The following TMEM8B variants were observed in gnomAD, a reference collection of about 807,000 sequenced individuals.
TMEM8B encodes the protein transmembrane protein 8B.
In TMEM8B, 29 loss-of-function variants were observed where a neutral mutation model predicts 49.3. The observed-to-expected ratio is 0.59, with a 90% confidence interval of 0.44 to 0.80. The LOEUF (loss-of-function observed/expected upper bound fraction) is 0.80, where lower values mean the gene tolerates loss of function less well. Among genes scored for constraint, TMEM8B ranks in the 30% least tolerant of loss-of-function variants. The pLI, the probability that TMEM8B is intolerant of heterozygous loss-of-function variation, is 0.00. For synonymous variants in TMEM8B, 264 were observed against 272.8 expected (o/e 0.97, Z 0.32); for missense variants, 575 against 658.5 (o/e 0.87, Z 1.39).
In TMEM8B at chr9:35,841,066, C is replaced by T. The variant is rs1830938414; in HGVS notation, c.907-68C>T. On this transcript the variant is annotated intron_variant, in intron 3 of 12. Coordinates refer to ENST00000643932, the MANE Select transcript of TMEM8B (RefSeq NM_001042590.4). The surrounding 1 kb of genome is among the most constrained non-coding windows in gnomAD (Gnocchi z 5.9). ...TTCTCCCCAGCCCGCCCAGCAGGTTCTGTTTGCCTTGGTTTAGTCACACCC... is the reference window on the plus strand; with the variant it reads ...TTCTCCCCAGCCCGCCCAGCAGGTTTTGTTTGCCTTGGTTTAGTCACACCC... The T allele has an allele frequency of 2.4e-6, 1 of 413,654 alleles. No homozygotes were observed. The highest frequency in any genetic ancestry group is 1.3e-4 in the South Asian group (1 of 7,564). The allele number at this position is 413,654 out of a possible 1,614,324, so 25.6% of individuals were successfully genotyped here.
At chr9:35,839,082 C>T (rs898766092) in intron 3 of TMEM8B, among the ~76,000 whole-genome samples, 3 of 152,248 alleles carry the variant, frequency 2.0e-5, no homozygotes, top group Non-Finnish European at 4.4e-5. Context: ...TGTGCACTTG[C>T]TATTCCCGCA....
chr9:35,853,209 C>T lies in TMEM8B; in HGVS notation c.2391C>T (p.Asn797=), dbSNP rs1048616799. The part of the protein sequence containing the change: ...ALQLDRHGLW[N]LLGPSLFALG... ...AGCTTGACCGACATGGACTCTGGAACCTGCTTGGACCCAGTCTCTTCGCCC... is the reference window on the plus strand; with the variant it reads ...AGCTTGACCGACATGGACTCTGGAATCTGCTTGGACCCAGTCTCTTCGCCC... Residue 797 remains asparagine, a synonymous_variant, in exon 12 of 13, where the codon AAC becomes AAT. Coordinates refer to ENST00000643932, the MANE Select transcript of TMEM8B (RefSeq NM_001042590.4). The surrounding 1 kb of genome is among the most constrained non-coding windows in gnomAD (Gnocchi z 4.2). 3 of 1,614,036 alleles carry T rather than the reference C, an allele frequency of 1.9e-6. No individual in the cohort carries two copies. Among genetic ancestry groups the T allele is most frequent in the Non-Finnish European group, 2.5e-6 (3 of 1,180,018 alleles).
At chr9:35,846,662 C>T (rs528983214) in intron 9 of TMEM8B, 51 bp downstream of exon 9, 238 of 1,563,990 alleles carry the variant, frequency 1.5e-4, no homozygotes, top group Non-Finnish European at 1.9e-4. Flanking sequence ...GGTGGACCTG[C>T]TGGGCCTGTG....
intron 10 of TMEM8B, among the ~76,000 whole-genome samples, chr9:35,848,642 A>T (rs1022285177): frequency 1.3e-5 from 2 of 151,736 alleles, no homozygotes; most frequent in African/African-American, 4.8e-5. Context: ...GGCACCACAT[A>T]AAAAGCTCCC....
At chr9:35,844,321 T>C (rs1831304349) in intron 6 of TMEM8B, among the ~76,000 whole-genome samples, 1 of 152,266 alleles carries the variant, frequency 6.6e-6, no homozygotes, top group South Asian at 2.1e-4. Context: ...TAGTCATTAC[T>C]GTCAGCGTTA....
In TMEM8B at chr9:35,842,537, G is replaced by C. The variant is rs746241700; in HGVS notation, c.1455G>C (p.Glu485Asp). The change falls in exon 6 of 13, where the codon GAG becomes GAC. Residue 485 changes from glutamate (E) to aspartate (D), a missense_variant. Glu to Asp is a conservative substitution (Grantham distance 45). Transcript: ENST00000643932. This position sits in a 1 kb window ranked among gnomAD's most constrained non-coding sequence, Gnocchi z 5.6. Reference sequence around the variant, plus strand: ...GGCCTGGGACCACGTCCCCACCCGAGCACTGCTGGCCAGTGCGCCCGACTC... The same window carrying C: ...GGCCTGGGACCACGTCCCCACCCGACCACTGCTGGCCAGTGCGCCCGACTC... ...AEGPGTTSPP[E>D]HCWPVRPTLR... The C allele has an allele frequency of 1.2e-6, 2 of 1,613,968 alleles. No homozygotes were observed. Among genetic ancestry groups the C allele is most frequent in the African/African-American group, 2.7e-5 (2 of 74,938 alleles).
chr9:35,842,585 C>T lies in TMEM8B; in HGVS notation c.1503C>T (p.Phe501=). The T allele has an allele frequency of 1.2e-6, 2 of 1,614,248 alleles. No individual in the cohort carries two copies. Among genetic ancestry groups the T allele is most frequent in the Non-Finnish European group, 8.5e-7 (1 of 1,180,046 alleles). The change falls in exon 6 of 13, where the codon TTC becomes TTT. Residue 501 remains phenylalanine (F), a synonymous_variant. Coordinates refer to ENST00000643932, the MANE Select transcript of TMEM8B (RefSeq NM_001042590.4). The surrounding 1 kb of genome is among the most constrained non-coding windows in gnomAD (Gnocchi z 5.6). ...RPTLRNELDT[F]SVHFYIFFGP... ...CTCTGCGCAACGAGCTGGACACCTT[C>T]TCTGTCCACTTCTACATCTTCTTTG...
rs1830316228 is a variant in TMEM8B, at chr9:35,835,078, G to T, written c.766G>T (p.Val256Leu). ...LHTHFPGDTA[V>L]PGVFSLTLSW... Reference sequence around the variant, plus strand: ...TACACACTTCCCAGGGGACACAGCTGTGCCTGGGGTTTTCTCACTGACCCT... The same window carrying T: ...TACACACTTCCCAGGGGACACAGCTTTGCCTGGGGTTTTCTCACTGACCCT... The change falls in exon 3 of 13, where the codon GTG becomes TTG. Residue 256 changes from valine (V) to leucine (L), a missense_variant. Transcript: ENST00000643932. The T allele has an allele frequency of 1.2e-5, 5 of 415,754 alleles. No individual in the cohort carries two copies. The highest frequency in any genetic ancestry group is 2.2e-5 in the Non-Finnish European group (5 of 226,406). 25.8% of individuals were successfully genotyped at this position (415,754 alleles called of 1,614,324 possible).
chr9:35,835,313 C>T, intron 3 of TMEM8B, 95 bp downstream of exon 3: 1 of 405,466 alleles, frequency 2.5e-6, no homozygotes, highest in Non-Finnish European at 4.4e-6. Flanking sequence ...AGCCTTGTGT[C>T]AGGGTGGGCA....
intron 6 of TMEM8B, among the ~76,000 whole-genome samples, chr9:35,843,191 A>C (rs1588151760): frequency 6.6e-6 from 1 of 152,130 alleles, no homozygotes; most frequent in African/African-American, 2.4e-5. Flanking sequence ...TTTCCAGTAA[A>C]TCTATCTCTG....
Position 35,864,049 on chromosome 9 carries a change from A to T in TMEM8B, c.*10209A>T, listed in dbSNP as rs1832693150. The T allele has an allele frequency of 6.6e-6, 1 of 152,196 alleles. No individual in the cohort carries two copies. The highest frequency in any genetic ancestry group is 6.5e-5 in the Admixed American group (1 of 15,274). The allele number at this position is 152,196 out of a possible 1,614,324, so 9.4% of individuals were successfully genotyped here. On this transcript the variant is annotated 3_prime_UTR_variant, in exon 13 of 13. Transcript: ENST00000643932. ...CGGTTTTACGCCTCTTGAGAAGCAG[A>T]GTGATGCCTAGAATGAGCCCTGGAC... is the stretch of plus-strand genomic sequence containing the variant.
chr9:35,844,764 T>A (rs562343744), intron 6 of TMEM8B, among the ~76,000 whole-genome samples: 1 of 152,228 alleles, frequency 6.6e-6, no homozygotes, highest in African/African-American at 2.4e-5. Context: ...CTAGCCCTCC[T>A]GCAGCCCCTC....
rs1285706707 is a variant in TMEM8B, at chr9:35,856,230, G to A, written c.*2390G>A. The A allele has an allele frequency of 6.6e-6, 1 of 152,252 alleles. No individual in the cohort carries two copies. Among genetic ancestry groups the A allele is most frequent in the East Asian group, 1.9e-4 (1 of 5,202 alleles). 9.4% of individuals were successfully genotyped at this position (152,252 alleles called of 1,614,324 possible). ...TGGTCTTCAGTCAGTAAAGCTCTTAGAACACTTGTATAGTGCCTAGTCTGG... is the reference window on the plus strand; with the variant it reads ...TGGTCTTCAGTCAGTAAAGCTCTTAAAACACTTGTATAGTGCCTAGTCTGG... On this transcript the variant is annotated 3_prime_UTR_variant, in exon 13 of 13. Coordinates refer to ENST00000643932, the MANE Select transcript of TMEM8B (RefSeq NM_001042590.4).
In TMEM8B at chr9:35,831,231, G is replaced by C. The variant is rs115291009; in HGVS notation, c.508+1276G>C. Among the ~76,000 whole-genome samples, 402 of 152,252 alleles carry C rather than the reference G, an allele frequency of 2.6e-3. 1 individual carries two copies. The highest frequency in any genetic ancestry group is 9.2e-3 in the African/African-American group (380 of 41,526). ...ACATGCTTGTGTGTTGTTAAGTGTA[G>C]ACACGTGCATGTGTGTGGGGTGCAT... On this transcript the variant is annotated intron_variant, in intron 1 of 12. Coordinates refer to ENST00000643932, the MANE Select transcript of TMEM8B (RefSeq NM_001042590.4).
Position 35,860,645 on chromosome 9 carries a change from A to G in TMEM8B, c.*6805A>G, listed in dbSNP as rs1832633735. Reference sequence around the variant, plus strand: ...ATTTCTGGTCATCTCTCCTTAAGGAATCATGGACCATTCATTATTTTGTTT... The same window carrying G: ...ATTTCTGGTCATCTCTCCTTAAGGAGTCATGGACCATTCATTATTTTGTTT... On this transcript the variant is annotated 3_prime_UTR_variant, in exon 13 of 13. Coordinates refer to ENST00000643932, the MANE Select transcript of TMEM8B (RefSeq NM_001042590.4). The G allele has an allele frequency of 2.0e-5, 1 of 49,600 alleles. No homozygotes were observed. Among genetic ancestry groups the G allele is most frequent in the Non-Finnish European group, 9.1e-5 (1 of 11,022 alleles). 3.1% of individuals were successfully genotyped at this position (49,600 alleles called of 1,614,324 possible).
chr9:35,852,137 G>A (rs1033420727), intron 10 of TMEM8B, among the ~76,000 whole-genome samples: 6 of 152,148 alleles, frequency 3.9e-5, no homozygotes, highest in African/African-American at 4.8e-5. Flanking sequence ...AGTCTGATCC[G>A]ATTCCACTTC....
Position 35,853,593 on chromosome 9 carries a change from G to A in TMEM8B, c.2528G>A (p.Gly843Asp). Residue 843 changes from glycine (G) to aspartate (D), a missense_variant, in exon 13 of 13, where the codon GGC (glycine) becomes GAC (aspartate). Coordinates refer to ENST00000643932, the MANE Select transcript of TMEM8B (RefSeq NM_001042590.4). This position sits in a 1 kb window ranked among gnomAD's most constrained non-coding sequence, Gnocchi z 4.2. ...TTGTGCCCTGGCAGCCTTATTGCAG[G>A]CAGTGCCGTCCTGCTTTATGCTTTT... ...FYLCPGSLIA[G>D]SAVLLYAFVE... is the part of the protein sequence containing the mutation. 6.2e-7 allele frequency: 1 copy of A among 1,614,232 alleles called. No individual in the cohort carries two copies. Among genetic ancestry groups the A allele is most frequent in the Non-Finnish European group, 8.5e-7 (1 of 1,180,038 alleles).
chr9:35,834,985 C>G, intron 2 of TMEM8B, 26 bp from the exon 3 acceptor site: 1 of 415,750 alleles, frequency 2.4e-6, no homozygotes, highest in Non-Finnish European at 4.4e-6. Flanking sequence ...GTCTGCTTTC[C>G]TCCTCTCCTA....
rs201182305 is a variant in TMEM8B at position 35,853,446 on chromosome 9, G to GC, written c.2440-58dup. On this transcript the variant is annotated intron_variant, in intron 12 of 12. Coordinates refer to ENST00000643932, the MANE Select transcript of TMEM8B (RefSeq NM_001042590.4). This position sits in a 1 kb window ranked among gnomAD's most constrained non-coding sequence, Gnocchi z 4.2. Reference sequence around the variant, plus strand: ...TACAGAGGAAACCTGAGAGTGACCAGCTCTGGCTTGGGTTCCAGGGCTTGG... The same window carrying GC: ...TACAGAGGAAACCTGAGAGTGACCAGCCTCTGGCTTGGGTTCCAGGGCTTGG... 6.8e-3 allele frequency: 10,703 copies of GC among 1,568,034 alleles called. 72 individuals carry two copies. The highest frequency in any genetic ancestry group is 7.2e-3 in the Non-Finnish European group (8,314 of 1,159,972).
Sources: allele counts gnomAD v4.1 joint callset (sites outside exome capture counted in the v4.1 genomes callset), GRCh38; gene constraint gnomAD v4.1.1; non-coding constraint Gnocchi (gnomAD v3.1); transcripts MANE v1.5; gene names NCBI Gene and HGNC (gene_info 2026-07-23, HGNC 2026-07-21).